Variants in TPM4 observed in about 807,000 individuals in gnomAD.
The protein encoded by TPM4 is tropomyosin 4, also known as tropomyosin alpha-4 chain.
TPM4 carries 17 observed loss-of-function variants against 35.8 expected under a neutral mutation model. The observed-to-expected ratio is 0.47, with a 90% CI of 0.32 to 0.71. The LOEUF is 0.71. TPM4 is among the 30% of genes least tolerant of loss of function. The pLI, the probability that TPM4 is intolerant of heterozygous loss-of-function variation, is 0.03. For synonymous variants in TPM4, 120 were observed against 122.9 expected (o/e 0.98, Z 0.15); for missense variants, 240 against 320.9 (o/e 0.75, Z 1.93).
chr19:16,067,777 A>C lies in TPM4; in HGVS notation c.114+39A>C, dbSNP rs4808031. The C allele has an allele frequency of 0.46, 738,160 of 1,587,560 alleles. 175,600 individuals carry two copies. Among genetic ancestry groups the C allele is most frequent in the African/African-American group, 0.72 (52,765 of 73,704 alleles). ...CGCTGGGCCGCTCCGGGCTGCTGGGAGTCCTCTCTGTGCGGAAGGCCGGGG... is the reference window on the plus strand; with the variant it reads ...CGCTGGGCCGCTCCGGGCTGCTGGGCGTCCTCTCTGTGCGGAAGGCCGGGG... On this transcript the variant is annotated intron_variant, in intron 2 of 2. Coordinates refer to the TPM4 transcript ENST00000589897. The surrounding 1 kb of genome is among the most constrained non-coding windows in gnomAD (Gnocchi z 4.1).
At chr19:16,082,990 C>CA (rs1195606325) in intron 2 of TPM4, among the ~76,000 whole-genome samples, 1,113 of 61,926 alleles carry the variant, frequency 0.018, 11 homozygotes, top group Middle Eastern at 0.026. Context: ...GATTCTGTCT[C>CA]AAAAAAAAAA....
intron 5 of TPM4, among the ~76,000 whole-genome samples, 177 bp downstream of exon 5, chr19:16,089,297 T>A (rs2090597209): frequency 1.3e-5 from 2 of 152,172 alleles, no homozygotes; most frequent in African/African-American, 4.8e-5. Flanking sequence ...CTGCACACTC[T>A]TGAGTCCTCT....
At chr19:16,092,211 C>T (rs1413219523) in intron 5 of TPM4, among the ~76,000 whole-genome samples, 3 of 151,184 alleles carry the variant, frequency 2.0e-5, no homozygotes, top group African/African-American at 7.3e-5. Context: ...AGTATAATTT[C>T]TGATGGGTCA....
intron 2 of TPM4, among the ~76,000 whole-genome samples, chr19:16,069,793 T>A (rs2090338781): frequency 1.3e-5 from 2 of 151,888 alleles, no homozygotes; most frequent in South Asian, 4.2e-4. Context: ...GGTGTGTGTG[T>A]GAATGAGTGT....
At chr19:16,099,595 A>C (rs1191225645) in intron 7 of TPM4, 3 of 152,058 alleles carry the variant, frequency 2.0e-5, no homozygotes, top group South Asian at 2.1e-4. Flanking sequence ...AAATAAATAA[A>C]TAAGAAAGGC....
intron 5 of TPM4, chr19:16,093,082 T>C (rs1481988252): frequency 3.6e-5 from 6 of 167,696 alleles, no homozygotes. Flanking sequence ...CTCAAATTCC[T>C]GGGCTCAAGT....
intron 1 of TPM4, chr19:16,076,927 C>T (rs1265153401): frequency 4.5e-6 from 4 of 883,452 alleles, no homozygotes; most frequent in Non-Finnish European, 5.8e-6. Flanking sequence ...GCCTCCGGGT[C>T]GGGCGGGGCC....
At chr19:16,068,805 A>G (rs2090323898) in intron 2 of TPM4, among the ~76,000 whole-genome samples, 1 of 144,082 alleles carries the variant, frequency 6.9e-6, no homozygotes. Context: ...GTGTGTGCAC[A>G]TGTGTTGTAT....
intron 1 of TPM4, chr19:16,076,939 G>T: frequency 1.2e-6 from 1 of 842,544 alleles, no homozygotes; most frequent in Non-Finnish European, 1.6e-6. Context: ...GGCGGGGCCG[G>T]CCAAGCGGGA....
chr19:16,072,140 A>G (rs1218960699), upstream of TPM4, among the ~76,000 whole-genome samples: 1 of 152,102 alleles, frequency 6.6e-6, no homozygotes, highest in East Asian at 1.9e-4. Flanking sequence ...TTTTATCCTC[A>G]CTGCCTACCA....
At chr19:16,088,232 C>A in intron 4 of TPM4, 135 bp downstream of exon 4, 1 of 1,438,720 alleles carries the variant, frequency 7.0e-7, no homozygotes, top group Non-Finnish European at 9.4e-7. Context: ...CATGGCTCAT[C>A]TTTTCTCTTG....
intron 2 of TPM4, among the ~76,000 whole-genome samples, chr19:16,068,245 T>C (rs556357768): frequency 1.3e-5 from 2 of 151,974 alleles, no homozygotes; most frequent in East Asian, 3.9e-4. Context: ...TGGCCCAATC[T>C]CGGATCACTG....
Position 16,070,504 on chromosome 19 carries a change from G to T in TPM4, c.114+2766G>T, listed in dbSNP as rs762567298. On this transcript the variant is annotated intron_variant, in intron 2 of 2. Coordinates refer to the TPM4 transcript ENST00000589897. This position sits in a 1 kb window ranked among gnomAD's most constrained non-coding sequence, Gnocchi z 7.4. ...CCCAGGCCAGGAGCCAGGCCAGCCCGGCAGCTAAAGGCGAAAGCTCGGAGC... is the reference window on the plus strand; with the variant it reads ...CCCAGGCCAGGAGCCAGGCCAGCCCTGCAGCTAAAGGCGAAAGCTCGGAGC... Among the ~76,000 whole-genome samples the T allele has an allele frequency of 1.3e-5, 2 of 152,106 alleles. No individual in the cohort carries two copies. Among genetic ancestry groups the T allele is most frequent in the African/African-American group, 2.4e-5 (1 of 41,432 alleles).
chr19:16,074,248 T>C (rs1196355409), upstream of TPM4: 2 of 152,190 alleles, frequency 1.3e-5, no homozygotes, highest in Non-Finnish European at 2.9e-5. Context: ...AAGGGCTTTG[T>C]CTTTGTCAGC....
intron 1 of TPM4, among the ~76,000 whole-genome samples, chr19:16,077,554 C>T (rs1464555009): frequency 1.3e-5 from 2 of 152,186 alleles, no homozygotes; most frequent in African/African-American, 4.8e-5. Context: ...ATGGTGGCAC[C>T]GCCAGGGTCT....
In TPM4 at chr19:16,088,518, G is replaced by A. The variant is rs994917291; in HGVS notation, c.455+421G>A. 4 of 1,055,504 alleles carry A rather than the reference G, an allele frequency of 3.8e-6. No homozygotes were observed. The African/African-American group carries it at 6.6e-5, about 17-fold the overall frequency. The allele number at this position is 1,055,504 out of a possible 1,614,324, so 65.4% of individuals were successfully genotyped here. ...TGACACATTCCTGGCGGGAAGGTGA[G>A]AAGCTTAACCAGAATCCCACAAGCA... On this transcript the variant is annotated intron_variant, in intron 4 of 7. Transcript: ENST00000643579.
intron 4 of TPM4, 60 bp from the exon 5 acceptor site, chr19:16,088,985 T>C (rs1428609076): frequency 1.2e-6 from 2 of 1,608,652 alleles, no homozygotes; most frequent in Non-Finnish European, 8.5e-7. Context: ...GTTGGGGCGA[T>C]TGCTATTATT....
chr19:16,095,391 C>A, intron 7 of TPM4: 1 of 1,033,376 alleles, frequency 9.7e-7, no homozygotes, highest in Non-Finnish European at 1.2e-6. Context: ...CATGGTGCCT[C>A]CTACGCCCCT....
Position 16,093,586 on chromosome 19 carries a change from C to G in TPM4, c.582C>G (p.Asp194Glu). The change falls in exon 6 of 8, where the codon GAC (aspartate) becomes GAG (glutamate). Residue 194 changes from aspartate (D) to glutamate (E), a missense_variant. Transcript: ENST00000643579. ...AAGAAGAAATTAAACTTCTGTCTGA[C>G]AAACTGAAAGAGGTGAGTGTGGTGG... The part of the protein sequence containing the change: ...KYEEEIKLLS[D>E]KLKEAETRAE... The G allele has an allele frequency of 6.2e-7, 1 of 1,614,212 alleles. No individual in the cohort carries two copies. Among genetic ancestry groups the G allele is most frequent in the Non-Finnish European group, 8.5e-7 (1 of 1,180,052 alleles).
Sources: gnomAD v4.1 joint callset for allele counts (sites outside exome capture counted in the v4.1 genomes callset) on GRCh38, gnomAD v4.1.1 for gene constraint, Gnocchi (gnomAD v3.1) non-coding constraint, MANE v1.5 for transcripts, NCBI Gene and HGNC (gene_info 2026-07-23, HGNC 2026-07-21) for gene names.